The following DNAH7 variants were observed in gnomAD, a reference collection of about 807,000 sequenced individuals.
DNAH7 encodes the protein dynein axonemal heavy chain 7, also known as axonemal beta dynein heavy chain 7.
A neutral mutation model predicts 444.6 loss-of-function variants in DNAH7; 397 were observed. The observed-to-expected ratio is 0.89, with a 90% CI of 0.82 to 0.97. The LOEUF is 0.97. DNAH7 is among the 50% of genes least tolerant of loss of function. The pLI, the probability that DNAH7 is intolerant of heterozygous loss-of-function variation, is 0.00. For synonymous variants in DNAH7, 1,636 were observed against 1,624.4 expected (o/e 1.01, Z -0.17); for missense variants, 4,902 against 4,800.8 (o/e 1.02, Z -0.62).
chr2:196,038,877 T>C (rs1696555428), intron 5 of DNAH7, among the ~76,000 whole-genome samples: 1 of 152,122 alleles, frequency 6.6e-6, no homozygotes. Flanking sequence ...CATTCAGATA[T>C]ATAAAGAAAA....
rs189838344 is a variant in DNAH7 at position 195,835,598 on chromosome 2, C to T, written c.8946-1238G>A. Among the ~76,000 whole-genome samples, 3 of 152,258 alleles carry T rather than the reference C, an allele frequency of 2.0e-5. No homozygotes were observed. The East Asian group carries it at 5.8e-4, about 29-fold the overall frequency. ...CGGTAGCTCATGCCTGTAATCCCAG[C>T]ACTTTCGGAGGCCGAGGTAGGCGGA... is the stretch of plus-strand genomic sequence containing the variant. On this transcript the variant is annotated intron_variant, in intron 47 of 64. Transcript: ENST00000312428.
intron 58 of DNAH7, among the ~76,000 whole-genome samples, chr2:195,783,915 C>T (rs1559093796): frequency 6.8e-6 from 1 of 147,596 alleles, no homozygotes; most frequent in Non-Finnish European, 1.5e-5. Context: ...CTGATTTGTA[C>T]TTTTTTTTTT....
chr2:195,913,198 T>G (rs1484017481), intron 24 of DNAH7, among the ~76,000 whole-genome samples: 1 of 152,154 alleles, frequency 6.6e-6, no homozygotes. Flanking sequence ...GAAAGAAATT[T>G]AAAAACAAAG....
rs1287790493 is a variant in DNAH7, at chr2:196,027,458, T to C, written c.486+502A>G. Among the ~76,000 whole-genome samples, 4 of 148,722 alleles carry C rather than the reference T, an allele frequency of 2.7e-5. No homozygotes were observed. In the East Asian group the frequency reaches 7.7e-4, roughly 29 times the overall value. On this transcript the variant is annotated intron_variant, in intron 6 of 64. Transcript: ENST00000312428. ...ATTTTAAAACAAGTTATTATTTCTA[T>C]AATAATGAACATTTAACTTCAATAT...
intron 40 of DNAH7, among the ~76,000 whole-genome samples, chr2:195,867,142 G>C (rs1392935297): frequency 6.6e-6 from 1 of 152,104 alleles, no homozygotes; most frequent in African/African-American, 2.4e-5. Context: ...TAAGTGTACA[G>C]CTCAAAGAAT....
At chr2:195,742,374 A>G (rs1446268074) in intron 63 of DNAH7, among the ~76,000 whole-genome samples, 1 of 152,240 alleles carries the variant, frequency 6.6e-6, no homozygotes, top group Admixed American at 6.5e-5. Flanking sequence ...ACATTGCCCA[A>G]CAAATTTCTG....
intron 5 of DNAH7, among the ~76,000 whole-genome samples, chr2:196,034,918 T>A (rs111967928): frequency 9.8e-5 from 15 of 152,326 alleles, no homozygotes; most frequent in African/African-American, 3.6e-4. Context: ...CAGTGGCTCA[T>A]GCCTGTAATC....
At chr2:195,839,287 G>A (rs1426162398) in intron 47 of DNAH7, among the ~76,000 whole-genome samples, 5 of 150,850 alleles carry the variant, frequency 3.3e-5, no homozygotes, top group African/African-American at 1.2e-4. Context: ...GAATCAAAGA[G>A]GAAATTTCAA....
rs116826966 is a variant in DNAH7, at chr2:195,865,094, A to G, written c.6634-73T>C. ...AAGAAAGTGTTATTATATCTGTGCT[A>G]ATCTCAGGTAATAAAAATATTAGAA... On this transcript the variant is annotated intron_variant, in intron 40 of 64. Transcript: ENST00000312428. 5,161 of 1,403,444 alleles carry G rather than the reference A, an allele frequency of 3.7e-3. 150 individuals carry two copies. The African/African-American group carries it at 0.063, about 17-fold the overall frequency. 86.9% of individuals were successfully genotyped at this position (1,403,444 alleles called of 1,614,324 possible). A position where few individuals can be genotyped will look rare whatever the true frequency, so the allele number is the denominator to read the frequency against.
intron 12 of DNAH7, among the ~76,000 whole-genome samples, chr2:196,000,147 A>C (rs571698577): frequency 6.6e-6 from 1 of 152,182 alleles, no homozygotes; most frequent in African/African-American, 2.4e-5. Flanking sequence ...AAGTTATTTT[A>C]AAAATACAAA....
rs565349912 is a variant in DNAH7 at position 195,739,142 on chromosome 2, C to T, written c.11869-1015G>A. Among the ~76,000 whole-genome samples the T allele has an allele frequency of 2.0e-5, 3 of 152,336 alleles. No individual in the cohort carries two copies. The South Asian group carries it at 6.2e-4, about 32-fold the overall frequency. ...TTATAAATTAATTTCTTCTTGTACA[C>T]ACTGCAAGCTACTTAAGAGTTTCCA... On this transcript the variant is annotated intron_variant, in intron 64 of 64. Coordinates refer to ENST00000312428, the MANE Select transcript of DNAH7 (RefSeq NM_018897.3).
intron 19 of DNAH7, among the ~76,000 whole-genome samples, chr2:195,947,539 T>C (rs1689899897): frequency 6.6e-6 from 1 of 152,056 alleles, no homozygotes; most frequent in Admixed American, 6.6e-5. Flanking sequence ...TGAGAACATG[T>C]AGTGTTTGGT....
chr2:196,048,281 T>C lies in DNAH7; in HGVS notation c.250+15A>G. 6.3e-7 allele frequency: 1 copy of C among 1,580,686 alleles called. No individual in the cohort carries two copies. Among genetic ancestry groups the C allele is most frequent in the Non-Finnish European group, 8.7e-7 (1 of 1,153,976 alleles). On this transcript the variant is annotated intron_variant, in intron 4 of 64. Transcript: ENST00000312428. ...AATTATCCTTAAATCTAATTTAGAATATTGAAGTTCTTACCATGGGACTGT... is the reference window on the plus strand; with the variant it reads ...AATTATCCTTAAATCTAATTTAGAACATTGAAGTTCTTACCATGGGACTGT...
chr2:195,794,645 A>G, intron 56 of DNAH7, 107 bp from the exon 57 acceptor site: 1 of 1,032,410 alleles, frequency 9.7e-7, no homozygotes, highest in Non-Finnish European at 1.4e-6. Context: ...ATTTTTACAA[A>G]GTAGAAATGT....
At chr2:195,986,935 A>G (rs969200518) in intron 14 of DNAH7, 131 bp downstream of exon 14, 6 of 848,504 alleles carry the variant, frequency 7.1e-6, no homozygotes, top group Non-Finnish European at 1.0e-5. Flanking sequence ...CCAAGCAGAA[A>G]TAAGTTTAGC....
chr2:195,851,939 G>A (rs1699392642), intron 46 of DNAH7, among the ~76,000 whole-genome samples: 1 of 152,082 alleles, frequency 6.6e-6, no homozygotes, highest in South Asian at 2.1e-4. Context: ...CACCCACTAG[G>A]TGAGGATTTT....
chr2:195,846,160 C>G (rs145927236), intron 46 of DNAH7, among the ~76,000 whole-genome samples: 1 of 152,224 alleles, frequency 6.6e-6, no homozygotes, highest in Non-Finnish European at 1.5e-5. Flanking sequence ...AACAAATTAA[C>G]AAGCAAAAAA....
chr2:195,763,046 A>G (rs759412839), intron 61 of DNAH7, among the ~76,000 whole-genome samples: 4 of 152,198 alleles, frequency 2.6e-5, no homozygotes, highest in Admixed American at 6.5e-5. Flanking sequence ...CAAGAAATCA[A>G]TAACAAGAGG....
At chr2:195,965,648 T>C (rs1304480355) in intron 17 of DNAH7, among the ~76,000 whole-genome samples, 3 of 151,540 alleles carry the variant, frequency 2.0e-5, no homozygotes, top group African/African-American at 7.3e-5. Flanking sequence ...TTCTTACTTG[T>C]TGTTGGTCTG....
Sources: allele counts gnomAD v4.1 joint callset (sites outside exome capture counted in the v4.1 genomes callset), GRCh38; gene constraint gnomAD v4.1.1; transcripts MANE v1.5; gene names NCBI Gene and HGNC (gene_info 2026-07-23, HGNC 2026-07-21).